The following FLG variants were observed in gnomAD, a reference collection of about 807,000 sequenced individuals.
The protein encoded by FLG is filaggrin, also known as epidermal filaggrin.
In FLG, 6 loss-of-function variants were observed where a neutral mutation model predicts 3.8. That is an observed-to-expected ratio of 1.60 (90% confidence interval 0.87 to 3.15). The LOEUF (loss-of-function observed/expected upper bound fraction) is 3.15, where lower values mean the gene tolerates loss of function less well. FLG is among the 30% of genes most tolerant of loss of function. FLG has a pLI of 0.00. For missense variants in FLG, 7,595 were observed against 5,050.9 expected (o/e 1.50, Z -15.27); for synonymous variants, 2,551 against 1,931.6 (o/e 1.32, Z -8.41).
In FLG at chr1:152,307,279, T is replaced by C; in HGVS notation, c.7607A>G (p.Glu2536Gly). Residue 2536 changes from glutamate to glycine, a missense_variant, in exon 3 of 3, where the codon GAA (glutamate) becomes GGA (glycine). Transcript: ENST00000368799. ...GSRHSGSRHHEASSRADSSGH... is the reference protein window; with the variant it reads ...GSRHSGSRHHGASSRADSSGH... ...AGAGCTGTCGGCCCGAGAGGAAGCT[T>C]CATGGTGACGCGACCCTGAGTGCCT... is the stretch of plus-strand genomic sequence containing the variant. The C allele has an allele frequency of 6.2e-7, 1 of 1,613,410 alleles. No homozygotes were observed. Among genetic ancestry groups the C allele is most frequent in the Non-Finnish European group, 8.5e-7 (1 of 1,179,964 alleles).
rs759217139 is a variant in FLG, at chr1:152,311,563, C to T, written c.3323G>A (p.Gly1108Glu). Reference sequence around the variant, plus strand: ...AGACCCTGAACGTCCAGACCTTCCCCCTGACCAGTCACGTGCGGACTCTTG... The same window carrying T: ...AGACCCTGAACGTCCAGACCTTCCCTCTGACCAGTCACGTGCGGACTCTTG... ...SHQESARDWS[G>E]GRSGRSGSFI... is the part of the protein sequence containing the mutation. The change falls in exon 3 of 3, where the codon GGG becomes GAG. Residue 1108 changes from glycine (G) to glutamate (E), a missense_variant. Coordinates refer to ENST00000368799, the MANE Select transcript of FLG (RefSeq NM_002016.2). 1.9e-6 allele frequency: 3 copies of T among 1,613,980 alleles called. No individual in the cohort carries two copies. In the Admixed American group the frequency reaches 5.0e-5, roughly 27 times the overall value.
chr1:152,311,501 A>G lies in FLG; in HGVS notation c.3385T>C (p.Ser1129Pro). The G allele has an allele frequency of 6.2e-7, 1 of 1,613,144 alleles. No individual in the cohort carries two copies. Among genetic ancestry groups the G allele is most frequent in the Admixed American group, 1.7e-5 (1 of 59,922 alleles). Residue 1129 changes from serine to proline, a missense_variant, in exon 3 of 3, where the codon TCT becomes CCT. By Grantham distance (74) the Ser-to-Pro change is moderately conservative (BLOSUM62 -1). Transcript: ENST00000368799. ...CTGGTCCTGGTCCGCCCATGGGCAGACTCAGACTGTTCATGAGTGCTCACC... is the reference window on the plus strand; with the variant it reads ...CTGGTCCTGGTCCGCCCATGGGCAGGCTCAGACTGTTCATGAGTGCTCACC... ...YQVSTHEQSE[S>P]AHGRTRTSTG...
rs765009981 is a variant in FLG at position 152,309,137 on chromosome 1, TG to T, written c.5748del (p.Ser1917ValfsTer178). Reference protein sequence around the residue: ...SGPRTSRNQGSSVSQDSDSQG... With the variant: ...SGPRTSRNQGXSVSQDSDSQG... ...TGACTGTCACTGTCCTGGCTAACACTGGATCCCTGGTTCCTGCTTGTCCTGG... is the reference window on the plus strand; with the variant it reads ...TGACTGTCACTGTCCTGGCTAACACTGATCCCTGGTTCCTGCTTGTCCTGG... On this transcript the variant is annotated frameshift_variant, in exon 3 of 3. Transcript: ENST00000368799. LOFTEE classifies it low-confidence loss of function (END_TRUNC). The T allele has an allele frequency of 6.2e-7, 1 of 1,613,756 alleles. No individual in the cohort carries two copies. Among genetic ancestry groups the T allele is most frequent in the Non-Finnish European group, 8.5e-7 (1 of 1,179,704 alleles).
Position 152,313,487 on chromosome 1 carries a change from AC to A in FLG, c.1398del (p.Ser467LeufsTer6). The A allele has an allele frequency of 4.3e-6, 7 of 1,613,312 alleles. No homozygotes were observed. The highest frequency in any genetic ancestry group is 5.9e-6 in the Non-Finnish European group (7 of 1,179,882). On this transcript the variant is annotated frameshift_variant, in exon 3 of 3. Transcript: ENST00000368799. LOFTEE classifies it low-confidence loss of function (END_TRUNC). ...GRSGERSGRS[G>X]SSLYQVSTHE... is the part of the protein sequence containing the mutation. ...TGAGTGCTCACCTGGTAGAGGGAAGACCCTGAACGTCCAGACCGTTCCCCTG... is the reference window on the plus strand; with the variant it reads ...TGAGTGCTCACCTGGTAGAGGGAAGACCTGAACGTCCAGACCGTTCCCCTG...
In FLG at chr1:152,305,044, G is replaced by A. The variant is rs1428747573; in HGVS notation, c.9842C>T (p.Thr3281Ile). Residue 3281 changes from threonine to isoleucine, a missense_variant, in exon 3 of 3, where the codon ACT becomes ATT. Coordinates refer to ENST00000368799, the MANE Select transcript of FLG (RefSeq NM_002016.2). ...SRQSGTRHAE[T>I]SSGGQAASSH... Reference sequence around the variant, plus strand: ...TGATGCAGCCTGTCCACCAGAGGAAGTCTCTGCGTGACGAGTGCCTGATTG... The same window carrying A: ...TGATGCAGCCTGTCCACCAGAGGAAATCTCTGCGTGACGAGTGCCTGATTG... The A allele has an allele frequency of 3.1e-6, 5 of 1,613,842 alleles. No homozygotes were observed. Among genetic ancestry groups the A allele is most frequent in the Non-Finnish European group, 4.2e-6 (5 of 1,179,992 alleles).
rs748895857 is a variant in FLG, at chr1:152,307,500, A to C, written c.7386T>G (p.Ile2462Met). 50 of 1,612,950 alleles carry C rather than the reference A, an allele frequency of 3.1e-5. No homozygotes were observed. Among genetic ancestry groups the C allele is most frequent in the Non-Finnish European group, 4.1e-5 (48 of 1,179,736 alleles). Residue 2462 changes from isoleucine (I) to methionine (M), a missense_variant, in exon 3 of 3, where the codon ATT (isoleucine) becomes ATG (methionine). By Grantham distance (10) the Ile-to-Met change is conservative. Coordinates refer to ENST00000368799, the MANE Select transcript of FLG (RefSeq NM_002016.2). Reference protein sequence around the residue: ...HSTSQEGQDTIHGHPGSSSGG... With the variant: ...HSTSQEGQDTMHGHPGSSSGG... ...CACTGCTTGACCCCGGGTGTCCATG[A>C]ATGGTGTCCTGACCCTCTTGGGACG...
chr1:152,307,216 G>C lies in FLG; in HGVS notation c.7670C>G (p.Pro2557Arg). 1 of 1,612,740 alleles carries C rather than the reference G, an allele frequency of 6.2e-7. No homozygotes were observed. Among genetic ancestry groups the C allele is most frequent in the South Asian group, 1.1e-5 (1 of 91,074 alleles). Residue 2557 changes from proline to arginine, a missense_variant, in exon 3 of 3, where the codon CCC (proline) becomes CGC (arginine). Transcript: ENST00000368799. ...GGATCCCCAGTTCCTGCTTGTCCTGGGCCCCTCTGATTGTCCCTGGCCCAC... is the reference window on the plus strand; with the variant it reads ...GGATCCCCAGTTCCTGCTTGTCCTGCGCCCCTCTGATTGTCCCTGGCCCAC... ...SQVGQGQSEG[P>R]RTSRNWGSSF...
In FLG at chr1:152,309,743, T is replaced by C; in HGVS notation, c.5143A>G (p.Ser1715Gly). Reference protein sequence around the residue: ...VVGDSGNRGSSGSQASDSEGH... With the variant: ...VVGDSGNRGSGGSQASDSEGH... ...TCGCTGTCACTGGCCTGGCTACCAC[T>C]GGACCCTCGGTTTCCACTGTCTCCG... The change falls in exon 3 of 3, where the codon AGT becomes GGT. Residue 1715 changes from serine to glycine, a missense_variant. Ser to Gly is a moderately conservative substitution (Grantham distance 56). Coordinates refer to ENST00000368799, the MANE Select transcript of FLG (RefSeq NM_002016.2). 2 of 1,614,066 alleles carry C rather than the reference T, an allele frequency of 1.2e-6. No homozygotes were observed. Among genetic ancestry groups the C allele is most frequent in the Non-Finnish European group, 1.7e-6 (2 of 1,180,000 alleles).
At position 152,313,593 on chromosome 1, in the gene FLG, G is replaced by A. The variant is rs117562935; in HGVS notation, c.1293C>T (p.Asn431=). ...QASDSEGHSE[N]SDTQSVSGHG... Reference sequence around the variant, plus strand: ...GGCCTGACACTGATTGTGTGTCTGAGTTTTCTGAATGTCCCTCACTGTCAC... The same window carrying A: ...GGCCTGACACTGATTGTGTGTCTGAATTTTCTGAATGTCCCTCACTGTCAC... The change falls in exon 3 of 3, where the codon AAC becomes AAT. Residue 431 remains asparagine, a synonymous_variant. Coordinates refer to ENST00000368799, the MANE Select transcript of FLG (RefSeq NM_002016.2). The A allele has an allele frequency of 6.2e-7, 1 of 1,613,838 alleles. No homozygotes were observed. Among genetic ancestry groups the A allele is most frequent in the African/African-American group, 1.3e-5 (1 of 74,844 alleles).
At position 152,310,115 on chromosome 1, in the gene FLG, C is replaced by A. The variant is rs374002730; in HGVS notation, c.4771G>T (p.Gly1591Ter). 3.1e-6 allele frequency: 5 copies of A among 1,613,978 alleles called. No homozygotes were observed. Among genetic ancestry groups the A allele is most frequent in the Non-Finnish European group, 4.2e-6 (5 of 1,179,978 alleles). Residue 1591 changes from glycine (G) to a stop codon, truncating the protein, a stop_gained, in exon 3 of 3, where the codon GGA becomes TGA. Transcript: ENST00000368799. LOFTEE classifies it low-confidence loss of function (END_TRUNC). ...TCCCTGTCCTGACTAACACTGGATC[C>A]CTGGCGCCTGCTTGTCTTGGACCCC... Reference protein sequence around the residue: ...SAGSKTSRRQGSSVSQDRDSE... With the variant: ...SAGSKTSRRQ
rs1652501773 is a variant in FLG at position 152,312,318 on chromosome 1, G to T, written c.2568C>A (p.His856Gln). 1 of 1,613,184 alleles carries T rather than the reference G, an allele frequency of 6.2e-7. No homozygotes were observed. The highest frequency in any genetic ancestry group is 2.2e-5 in the East Asian group (1 of 44,764). Residue 856 changes from histidine to glutamine, a missense_variant, in exon 3 of 3, where the codon CAC becomes CAA. His to Gln is a conservative substitution (Grantham distance 24). Transcript: ENST00000368799. ...CAGACCTATCTACCGATTGCTCGTG[G>T]TGGGACCCCTGCCTTCCTCTTCTGC... ...GSSRRGRQGSHHEQSVDRSGH... is the reference protein window; with the variant it reads ...GSSRRGRQGSQHEQSVDRSGH...
Position 152,302,520 on chromosome 1 carries a change from C to G in FLG, c.*180G>C, listed in dbSNP as rs1009834087. ...TCCATTTAATATTTCTGAAATATAG[C>G]GTTTAAAGATCATTACACAATAAAA... On this transcript the variant is annotated 3_prime_UTR_variant, in exon 3 of 3. Transcript: ENST00000368799. 2.6e-5 allele frequency: 19 copies of G among 734,976 alleles called. No individual in the cohort carries two copies. The African/African-American group carries it at 3.4e-4, about 13-fold the overall frequency. 45.5% of individuals were successfully genotyped at this position (734,976 alleles called of 1,614,324 possible).
At position 152,303,367 on chromosome 1, in the gene FLG, G is replaced by C. The variant is rs1366477852; in HGVS notation, c.11519C>G (p.Ser3840Cys). The C allele has an allele frequency of 3.7e-6, 6 of 1,614,012 alleles. No individual in the cohort carries two copies. The African/African-American group carries it at 5.3e-5, about 14-fold the overall frequency. Residue 3840 changes from serine (S) to cysteine (C), a missense_variant, in exon 3 of 3, where the codon TCT becomes TGT. Physicochemically the swap from Ser to Cys is moderately radical, Grantham distance 112 (BLOSUM62 -1). Transcript: ENST00000368799. ...ACCCTGGCCGGACTGTGAGTGTCTAGAGCTGTCAGCCTGAGTGGAAGCTTC... is the reference window on the plus strand; with the variant it reads ...ACCCTGGCCGGACTGTGAGTGTCTACAGCTGTCAGCCTGAGTGGAAGCTTC... The part of the protein sequence containing the change: ...HHEASTQADS[S>C]RHSQSGQGES...
chr1:152,303,751 T>C lies in FLG; in HGVS notation c.11135A>G (p.Tyr3712Cys), dbSNP rs1268984358. ...GRSGRSGSFL[Y>C]QVSTHEQSES... ...AGACTGTTCATGAGTGCTCACCTGG[T>C]AGAGGAAAGACCCTGAACGTCCAGA... The change falls in exon 3 of 3, where the codon TAC becomes TGC. Residue 3712 changes from tyrosine (Y) to cysteine (C), a missense_variant. Coordinates refer to ENST00000368799, the MANE Select transcript of FLG (RefSeq NM_002016.2). 34 of 1,613,604 alleles carry C rather than the reference T, an allele frequency of 2.1e-5. No individual in the cohort carries two copies. Among genetic ancestry groups the C allele is most frequent in the Admixed American group, 3.3e-5 (2 of 59,966 alleles).
rs766533034 is a variant in FLG at position 152,310,182 on chromosome 1, G to A, written c.4704C>T (p.Ala1568=). 9.9e-6 allele frequency: 16 copies of A among 1,613,728 alleles called. No individual in the cohort carries two copies. The South Asian group carries it at 1.2e-4, about 12-fold the overall frequency. Residue 1568 remains alanine, a synonymous_variant, in exon 3 of 3, where the codon GCC becomes GCT. Coordinates refer to ENST00000368799, the MANE Select transcript of FLG (RefSeq NM_002016.2). ...CCACCTGTGAGTGTCTAGAGCTGCCGGCCCGAGTGGAAGGTTCATGGTGAC... is the reference window on the plus strand; with the variant it reads ...CCACCTGTGAGTGTCTAGAGCTGCCAGCCCGAGTGGAAGGTTCATGGTGAC... ...GSRHHEPSTR[A]GSSRHSQVGQ...
rs780654991 is a variant in FLG at position 152,309,798 on chromosome 1, G to A, written c.5088C>T (p.Gly1696=). The part of the protein sequence containing the change: ...QQSADSSTDS[G]TGRRQDSSVV... ...CAGATGAATCTTGTCTGCGCCCAGT[G>A]CCTGAGTCTGTGGAGCTGTCTGCTG... Residue 1696 remains glycine, a synonymous_variant, in exon 3 of 3, where the codon GGC becomes GGT. Coordinates refer to ENST00000368799, the MANE Select transcript of FLG (RefSeq NM_002016.2). 26 of 1,613,828 alleles carry A rather than the reference G, an allele frequency of 1.6e-5. No homozygotes were observed. Among genetic ancestry groups the A allele is most frequent in the Non-Finnish European group, 8.5e-6 (10 of 1,179,998 alleles).
Position 152,304,631 on chromosome 1 carries a change from G to A in FLG, c.10255C>T (p.Arg3419Ter), listed in dbSNP as rs143418984. Residue 3419 changes from arginine (R) to a stop codon, truncating the protein, a stop_gained, in exon 3 of 3, where the codon CGA (arginine) becomes TGA (stop). Coordinates refer to ENST00000368799, the MANE Select transcript of FLG (RefSeq NM_002016.2). LOFTEE classifies it low-confidence loss of function (END_TRUNC). ...GACGCTGAGTGCCTGGAGCTGTCTC[G>A]TGCCTGCTCGTGGTGGGATCCTTGT... ...RRQGSHHEQARDSSRHSASQE... is the reference protein window; with the variant it reads ...RRQGSHHEQA The A allele has an allele frequency of 4.7e-4, 751 of 1,612,386 alleles. 3 individuals are homozygous for A. The highest frequency in any genetic ancestry group is 6.0e-4 in the Non-Finnish European group (702 of 1,179,540).
chr1:152,311,251 C>T lies in FLG; in HGVS notation c.3635G>A (p.Gly1212Glu). Reference protein sequence around the residue: ...GRSDASHGQSGSRSASRQTRK... With the variant: ...GRSDASHGQSESRSASRQTRK... The stretch of plus-strand genomic sequence containing the variant: ...AGTTTGTCTGCTTGCACTTCTGGAT[C>T]CTGACTGCCCATGGGAGGCATCAGA... The change falls in exon 3 of 3, where the codon GGA becomes GAA. Residue 1212 changes from glycine to glutamate, a missense_variant. Coordinates refer to ENST00000368799, the MANE Select transcript of FLG (RefSeq NM_002016.2). 6.2e-7 allele frequency: 1 copy of T among 1,613,852 alleles called. No homozygotes were observed.
rs138772997 is a variant in FLG, at chr1:152,309,258, G to A, written c.5628C>T (p.Asp1876=). Residue 1876 remains aspartate, a synonymous_variant, in exon 3 of 3, where the codon GAC becomes GAT. Transcript: ENST00000368799. Reference sequence around the variant, plus strand: ...GACGCGACCCTGAGTGCCTGGAGCCGTCTCCTGATTGTTTCTCATTACGTG... The same window carrying A: ...GACGCGACCCTGAGTGCCTGGAGCCATCTCCTGATTGTTTCTCATTACGTG... The part of the protein sequence containing the change: ...RQTRNEKQSG[D]GSRHSGSRHH... 9.1e-4 allele frequency: 1,471 copies of A among 1,613,660 alleles called. 11 individuals are homozygous for A. The African/African-American group carries it at 0.015, about 16-fold the overall frequency.
Sources: allele counts gnomAD v4.1 joint callset, GRCh38; gene constraint gnomAD v4.1.1; transcripts MANE v1.5; gene names NCBI Gene and HGNC (gene_info 2026-07-23, HGNC 2026-07-21).